The following ADGRF5 variants were observed in gnomAD, a reference collection of about 807,000 sequenced individuals.
The protein encoded by ADGRF5 is G-protein coupled receptor 116.
Under a neutral mutation model 132.3 loss-of-function variants are expected in ADGRF5, and 75 were observed. The ratio of observed to expected loss-of-function variants is 0.57; its 90% CI spans 0.47 to 0.69. The LOEUF is 0.69. Ranked by LOEUF, ADGRF5 falls within the 30% of genes least tolerant of loss-of-function variation. ADGRF5 has a pLI of 0.00. For synonymous variants in ADGRF5, 629 were observed against 597.6 expected (o/e 1.05, Z -0.77); for missense variants, 1,516 against 1,630.6 (o/e 0.93, Z 1.21).
At chr6:46,933,017 G>A (rs1777637808) in intron 1 of ADGRF5, among the ~76,000 whole-genome samples, 1 of 152,136 alleles carries the variant, frequency 6.6e-6, no homozygotes, top group Admixed American at 6.6e-5. Flanking sequence ...AGATCACTGA[G>A]GAGAAGCACA....
At chr6:46,864,663 C>T (rs1031306378) in intron 14 of ADGRF5, among the ~76,000 whole-genome samples, 4 of 151,914 alleles carry the variant, frequency 2.6e-5, no homozygotes, top group African/African-American at 7.3e-5. Context: ...CAGCTGGGAC[C>T]GCAGGTGCAT....
intron 6 of ADGRF5, 134 bp from the exon 7 acceptor site, chr6:46,882,241 G>T: frequency 1.4e-6 from 1 of 731,270 alleles, no homozygotes; most frequent in Non-Finnish European, 2.5e-6. Context: ...TTTGTTAACT[G>T]TGGGCATTAG....
At chr6:46,880,908 T>C (rs1772386775) in intron 8 of ADGRF5, among the ~76,000 whole-genome samples, 4 of 151,630 alleles carry the variant, frequency 2.6e-5, no homozygotes. Flanking sequence ...CTGGGCAACA[T>C]AGTGAGGTCC....
chr6:46,854,768 G>C, intron 20 of ADGRF5: 1 of 1,286,888 alleles, frequency 7.8e-7, no homozygotes, highest in Non-Finnish European at 1.0e-6. Context: ...GGCCTGGGGG[G>C]ATCTTAGGGG....
At position 46,863,069 on chromosome 6, in the gene ADGRF5, A is replaced by G. The variant is rs771375461; in HGVS notation, c.2018T>C (p.Val673Ala). 51 of 1,613,784 alleles carry G rather than the reference A, an allele frequency of 3.2e-5. No individual in the cohort carries two copies. The highest frequency in any genetic ancestry group is 4.2e-5 in the Non-Finnish European group (50 of 1,179,848). Residue 673 changes from valine (V) to alanine (A), a missense_variant, in exon 15 of 21, where the codon GTA becomes GCA. Around this residue, in one of 2 missense-constraint regions of ADGRF5, gnomAD observed 945 missense variants for 929.4 expected, o/e 1.02. Coordinates refer to ENST00000283296, the MANE Select transcript of ADGRF5 (RefSeq NM_001098518.2). ...PGENITCQDPVIGVGEPGKVI... is the reference protein window; with the variant it reads ...PGENITCQDPAIGVGEPGKVI... ...TTTCCCCGGCTCTCCGACACCTATT[A>G]CGGGATCCTGGCATGTGATGTTTTC...
At chr6:46,908,917 T>C (rs1775661695) in intron 1 of ADGRF5, 2 of 152,134 alleles carry the variant, frequency 1.3e-5, no homozygotes, top group African/African-American at 4.8e-5. Flanking sequence ...GTCAATATAT[T>C]TGACAACCTG....
At chr6:46,869,246 C>G (rs1331736596) in intron 11 of ADGRF5, 154 bp from the exon 12 acceptor site, 25 of 1,463,764 alleles carry the variant, frequency 1.7e-5, no homozygotes, top group Non-Finnish European at 1.1e-5. Flanking sequence ...AGAATTGGTA[C>G]CTTGCTGCTC....
intron 12 of ADGRF5, among the ~76,000 whole-genome samples, chr6:46,868,061 A>C (rs1562158891): frequency 6.6e-6 from 1 of 152,196 alleles, no homozygotes. Context: ...TGTTTCTACA[A>C]TGTTGCCTAG....
intron 20 of ADGRF5, among the ~76,000 whole-genome samples, chr6:46,855,300 C>T (rs142606395): frequency 2.0e-4 from 30 of 152,138 alleles, no homozygotes; most frequent in Non-Finnish European, 2.9e-4. Flanking sequence ...TCACGAATGC[C>T]GAGTAATTAC....
rs1562174997 is a variant in ADGRF5 at position 46,877,304 on chromosome 6, T to TTTC, written c.1240+897_1240+898insGAA. ...CTTTCTTTCTTTCTCTCTCTCTCTC[T>TTTC]CTTTCCTTCCTTCCTTCCTTCTTTC... is the stretch of plus-strand genomic sequence containing the variant. On this transcript the variant is annotated intron_variant, in intron 10 of 20. Transcript: ENST00000283296. Among the ~76,000 whole-genome samples, 86 of 48,922 alleles carry TTTC rather than the reference T, an allele frequency of 1.8e-3. 2 individuals are homozygous for TTTC. Among genetic ancestry groups the TTTC allele is most frequent in the African/African-American group, 7.2e-3 (78 of 10,854 alleles). 32.1% of individuals were successfully genotyped at this position (48,922 alleles called of 152,430 possible).
At chr6:46,875,334 GC>G (rs1771532803) in intron 10 of ADGRF5, among the ~76,000 whole-genome samples, 2 of 152,184 alleles carry the variant, frequency 1.3e-5, no homozygotes, top group Admixed American at 1.3e-4. Flanking sequence ...TTGGTACTTT[GC>G]TTTCTGGAGA....
chr6:46,938,694 G>C (rs749404253), intron 1 of ADGRF5, among the ~76,000 whole-genome samples: 1 of 152,028 alleles, frequency 6.6e-6, no homozygotes, highest in African/African-American at 2.4e-5. Context: ...GAGTTCCCCC[G>C]CCTAGAGTCT....
At chr6:46,877,889 G>A (rs987228348) in intron 10 of ADGRF5, among the ~76,000 whole-genome samples, 1 of 152,170 alleles carries the variant, frequency 6.6e-6, no homozygotes, top group Non-Finnish European at 1.5e-5. Flanking sequence ...AGGAAGGTGA[G>A]CACAAGCTTT....
intron 10 of ADGRF5, among the ~76,000 whole-genome samples, chr6:46,876,343 C>A (rs1462925282): frequency 1.3e-5 from 2 of 152,224 alleles, no homozygotes; most frequent in East Asian, 3.9e-4. Context: ...AGGTTTTTCA[C>A]CTTTCGGGGT....
chr6:46,916,459 C>T (rs533046170), intron 1 of ADGRF5, among the ~76,000 whole-genome samples: 13 of 152,324 alleles, frequency 8.5e-5, no homozygotes, highest in African/African-American at 2.6e-4. Flanking sequence ...AGCAGCAATT[C>T]GACCGGGTAC....
chr6:46,934,979 C>T (rs995543988), intron 1 of ADGRF5, among the ~76,000 whole-genome samples: 2 of 151,208 alleles, frequency 1.3e-5, no homozygotes, highest in African/African-American at 4.9e-5. Flanking sequence ...TTTGGGATCA[C>T]CACCATATGG....
chr6:46,878,265 T>C lies in ADGRF5; in HGVS notation c.1177A>G (p.Ser393Gly), dbSNP rs1462267546. The C allele has an allele frequency of 1.9e-6, 3 of 1,613,834 alleles. No individual in the cohort carries two copies. In the African/African-American group the frequency reaches 4.0e-5, roughly 22 times the overall value. Reference sequence around the variant, plus strand: ...TTGCTCCAATTAACATTACCCTGACTGCAGCAGTTCAAAGATACAGGATTG... The same window carrying C: ...TTGCTCCAATTAACATTACCCTGACCGCAGCAGTTCAAAGATACAGGATTG... Reference protein sequence around the residue: ...DNNPVSLNCCSQGNVNWSKVE... With the variant: ...DNNPVSLNCCGQGNVNWSKVE... Residue 393 changes from serine to glycine, a missense_variant, in exon 10 of 21, where the codon AGT (serine) becomes GGT (glycine). Transcript: ENST00000283296.
chr6:46,933,694 C>T (rs959148504), intron 1 of ADGRF5, among the ~76,000 whole-genome samples: 6 of 152,164 alleles, frequency 3.9e-5, no homozygotes, highest in Non-Finnish European at 8.8e-5. Context: ...AGATTGTCGT[C>T]GGGCCTCAGG....
intron 3 of ADGRF5, among the ~76,000 whole-genome samples, chr6:46,898,340 C>A (rs1227760497): frequency 6.6e-6 from 1 of 152,194 alleles, no homozygotes; most frequent in African/African-American, 2.4e-5. Context: ...AAGCCAAAGT[C>A]TTTCAAAATA....
Sources: allele counts gnomAD v4.1 joint callset (sites outside exome capture counted in the v4.1 genomes callset), GRCh38; gene constraint gnomAD v4.1.1; regional missense constraint gnomAD v4.1.1; transcripts MANE v1.5; gene names NCBI Gene and HGNC (gene_info 2026-07-23, HGNC 2026-07-21).